The following HPCAL1 variants were observed in gnomAD, a reference collection of about 807,000 sequenced individuals.
HPCAL1 encodes hippocalcin-like protein 1.
In HPCAL1, 8 loss-of-function variants were observed where a neutral mutation model predicts 17.1. The ratio of observed to expected loss-of-function variants is 0.47; its 90% CI spans 0.27 to 0.84. The LOEUF is 0.84. Ranked by LOEUF, HPCAL1 falls within the 40% of genes least tolerant of loss-of-function variation. The pLI is 0.13. For missense variants in HPCAL1, 165 were observed against 271.1 expected, an observed-to-expected ratio of 0.61 and a Z score of 2.75; for synonymous variants, 112 against 111.4, an observed-to-expected ratio of 1.01 and a Z score of -0.03.
At chr2:10,423,444 C>G in intron 4 of HPCAL1, 1 of 237,044 alleles carries the variant, frequency 4.2e-6, no homozygotes, top group Non-Finnish European at 8.6e-6. Flanking sequence ...ATCAAAGGAT[C>G]CCAGATGTTG....
At chr2:10,307,246 G>A (rs1344836990) in intron 1 of HPCAL1, among the ~76,000 whole-genome samples, 2 of 152,220 alleles carry the variant, frequency 1.3e-5, no homozygotes, top group Non-Finnish European at 2.9e-5. Flanking sequence ...AGGCTTTTGG[G>A]TGGTGCGTGG....
chr2:10,417,057 C>T (rs910460643), intron 2 of HPCAL1, among the ~76,000 whole-genome samples: 9 of 152,142 alleles, frequency 5.9e-5, no homozygotes, highest in Non-Finnish European at 1.3e-4. Flanking sequence ...GAAGAATCCT[C>T]TCTCTTAATA....
At chr2:10,417,318 G>T (rs184688892) in intron 2 of HPCAL1, among the ~76,000 whole-genome samples, 2 of 151,042 alleles carry the variant, frequency 1.3e-5, no homozygotes, top group African/African-American at 4.9e-5. Flanking sequence ...AGCTGAGATC[G>T]CTCCATTGCA....
chr2:10,380,725 C>A (rs1667888182), intron 1 of HPCAL1, among the ~76,000 whole-genome samples: 1 of 152,146 alleles, frequency 6.6e-6, no homozygotes, highest in Non-Finnish European at 1.5e-5. Context: ...CTCTGGGAAG[C>A]CTTCCCAGAT....
At chr2:10,308,083 G>A (rs1423438473) in intron 1 of HPCAL1, among the ~76,000 whole-genome samples, 1 of 152,134 alleles carries the variant, frequency 6.6e-6, no homozygotes, top group African/African-American at 2.4e-5. Flanking sequence ...GAAGTGCTAT[G>A]GAGGGGAGCT....
intron 1 of HPCAL1, among the ~76,000 whole-genome samples, chr2:10,389,805 T>C (rs1283172721): frequency 1.3e-5 from 2 of 152,226 alleles, no homozygotes; most frequent in African/African-American, 2.4e-5. Flanking sequence ...GTTTGGATAG[T>C]TTCCAGGGTG....
intron 1 of HPCAL1, among the ~76,000 whole-genome samples, chr2:10,317,031 T>G (rs1663358025): frequency 6.6e-6 from 1 of 152,216 alleles, no homozygotes; most frequent in Non-Finnish European, 1.5e-5. Flanking sequence ...GCAGGAAGCC[T>G]GCTCGCCTAT....
At chr2:10,383,329 G>T (rs1266652095) in intron 1 of HPCAL1, among the ~76,000 whole-genome samples, 1 of 151,652 alleles carries the variant, frequency 6.6e-6, no homozygotes, top group Non-Finnish European at 1.5e-5. Flanking sequence ...CCAAGATCGC[G>T]CCACTGTGCT....
At chr2:10,414,947 T>A (rs959882724) in intron 2 of HPCAL1, among the ~76,000 whole-genome samples, 1 of 152,216 alleles carries the variant, frequency 6.6e-6, no homozygotes, top group Non-Finnish European at 1.5e-5. Flanking sequence ...CCCCTCCAGA[T>A]GCTGGCTGCA....
At chr2:10,398,122 G>A (rs189510120) in intron 2 of HPCAL1, among the ~76,000 whole-genome samples, 2 of 152,302 alleles carry the variant, frequency 1.3e-5, no homozygotes, top group Admixed American at 6.5e-5. Flanking sequence ...CATACTGTGA[G>A]CATCAGTTGG....
intron 1 of HPCAL1, among the ~76,000 whole-genome samples, chr2:10,358,581 G>A (rs768319814): frequency 7.9e-5 from 12 of 152,196 alleles, no homozygotes; most frequent in Non-Finnish European, 1.0e-4. Context: ...AGAGGAACAC[G>A]TGGGTGGAAG....
In HPCAL1 at chr2:10,419,712, C is replaced by T. The variant is rs760567099; in HGVS notation, c.-24-22C>T. ...GCTCCGTGGCCGTGGGTGGCGTCCC[C>T]GGCTGACCCCCTGTCTTGCAGGTGT... On this transcript the variant is annotated intron_variant, in intron 2 of 4. Transcript: ENST00000307845. This position sits in a 1 kb window ranked among gnomAD's most constrained non-coding sequence, Gnocchi z 5.0. 2.5e-6 allele frequency: 4 copies of T among 1,574,126 alleles called. No homozygotes were observed. Among genetic ancestry groups the T allele is most frequent in the South Asian group, 1.2e-5 (1 of 83,702 alleles).
At chr2:10,372,953 C>A (rs73914064) in intron 1 of HPCAL1, among the ~76,000 whole-genome samples, 1 of 152,226 alleles carries the variant, frequency 6.6e-6, no homozygotes, top group South Asian at 2.1e-4. Flanking sequence ...CCTCCTGCCC[C>A]CAGAAGGAGG....
intron 1 of HPCAL1, among the ~76,000 whole-genome samples, chr2:10,353,859 G>C (rs1021314864): frequency 2.6e-5 from 4 of 152,182 alleles, no homozygotes; most frequent in Admixed American, 6.5e-5. Flanking sequence ...ACCACACCTG[G>C]TCTCAAATAA....
chr2:10,309,632 A>G (rs555385607), intron 1 of HPCAL1, among the ~76,000 whole-genome samples: 1 of 152,278 alleles, frequency 6.6e-6, no homozygotes, highest in South Asian at 2.1e-4. Flanking sequence ...CTGAACAGGT[A>G]GAGATGGTTC....
intron 1 of HPCAL1, among the ~76,000 whole-genome samples, chr2:10,373,506 C>G (rs1022977949): frequency 2.6e-5 from 4 of 152,170 alleles, no homozygotes; most frequent in Non-Finnish European, 4.4e-5. Context: ...TTCCTAGAAA[C>G]TGGAGATTGG....
At position 10,377,197 on chromosome 2, in the gene HPCAL1, C is replaced by A. The variant is rs115699704; in HGVS notation, c.-110-19638C>A. ...AGTGAGGCTGCATCCTTCTAGAAAG[C>A]GCTGTTGAGAGGTGTGAGGAGGCTG... On this transcript the variant is annotated intron_variant, in intron 1 of 4. Transcript: ENST00000307845. The surrounding 1 kb of genome is among the most constrained non-coding windows in gnomAD (Gnocchi z 5.9). Among the ~76,000 whole-genome samples, 1 of 152,140 alleles carries A rather than the reference C, an allele frequency of 6.6e-6. No homozygotes were observed. The highest frequency in any genetic ancestry group is 2.4e-5 in the African/African-American group (1 of 41,430).
chr2:10,383,693 AAAAG>A (rs1047213683), intron 1 of HPCAL1, among the ~76,000 whole-genome samples: 5 of 81,698 alleles, frequency 6.1e-5, no homozygotes, highest in Admixed American at 5.5e-4. Flanking sequence ...AAAAGAAAAG[AAAAG>A]AAAAAAAAGG....
chr2:10,360,276 G>T (rs572318787), intron 1 of HPCAL1, among the ~76,000 whole-genome samples: 4 of 152,210 alleles, frequency 2.6e-5, no homozygotes, highest in Non-Finnish European at 5.9e-5. Context: ...AGGGTGAGCC[G>T]AAGGGCCTTG....
Sources: allele counts gnomAD v4.1 joint callset (sites outside exome capture counted in the v4.1 genomes callset), GRCh38; gene constraint gnomAD v4.1.1; non-coding constraint Gnocchi (gnomAD v3.1); transcripts MANE v1.5; gene names NCBI Gene and HGNC (gene_info 2026-07-23, HGNC 2026-07-21).